CXorf66: variants seen among roughly 807,000 people sequenced by gnomAD.
The protein encoded by CXorf66 is uncharacterized protein CXorf66.
In CXorf66, 6 loss-of-function variants were observed where a neutral mutation model predicts 5.0. The observed-to-expected ratio is 1.20, with a 90% CI of 0.65 to 2.36. CXorf66 has a LOEUF of 2.36. Among genes scored for constraint, CXorf66 ranks in the 30% most tolerant of loss-of-function variants. The pLI is 0.00. For missense variants in CXorf66, 270 were observed against 254.9 expected, an observed-to-expected ratio of 1.06 and a Z score of -0.40; for synonymous variants, 98 against 102.8, an observed-to-expected ratio of 0.95 and a Z score of 0.28.
At position 139,956,492 on chromosome X, in the gene CXorf66, A is replaced by G. The variant is rs1569496177; in HGVS notation, c.490T>C (p.Ser164Pro). Reference sequence around the variant, plus strand: ...TTTTTTGAGCATGATGACTTGGATGACCTTTTTGGATATGATGGCCTAGTT... The same window carrying G: ...TTTTTTGAGCATGATGACTTGGATGGCCTTTTTGGATATGATGGCCTAGTT... ...KLTRPSYPKR[S>P]SKSSCSKKLS... is the part of the protein sequence containing the mutation. The change falls in exon 3 of 3, where the codon TCA (serine) becomes CCA (proline). Residue 164 changes from serine (S) to proline (P), a missense_variant. By Grantham distance (74) the Ser-to-Pro change is moderately conservative. Coordinates refer to ENST00000370540, the MANE Select transcript of CXorf66 (RefSeq NM_001013403.3). 38 of 1,211,552 alleles carry G rather than the reference A, an allele frequency of 3.1e-5. No individual in the cohort carries two copies. Among genetic ancestry groups the G allele is most frequent in the Non-Finnish European group, 4.1e-5 (37 of 895,490 alleles).
chrX:139,956,105 T>G lies in CXorf66; in HGVS notation c.877A>C (p.Asn293His). The G allele has an allele frequency of 8.3e-7, 1 of 1,211,450 alleles. No individual in the cohort carries two copies. Among genetic ancestry groups the G allele is most frequent in the Non-Finnish European group, 1.1e-6 (1 of 895,296 alleles). ...VNDISEAKEK[N>H]TQNLHVSSKV... ...CTTGAAACATGTAGGTTTTGAGTGT[T>G]TTTCTCCTTTGCCTCAGAAATATCA... The change falls in exon 3 of 3, where the codon AAC becomes CAC. Residue 293 changes from asparagine to histidine, a missense_variant. Transcript: ENST00000370540.
chrX:139,961,946 C>T (rs760937791), intron 1 of CXorf66, among the ~76,000 whole-genome samples: 2 of 111,827 alleles, frequency 1.8e-5, no homozygotes, highest in Non-Finnish European at 3.8e-5. Flanking sequence ...ATTTATAGCA[C>T]TAAATGCCCA....
intron 1 of CXorf66, among the ~76,000 whole-genome samples, chrX:139,965,103 C>G (rs1926660839): frequency 9.0e-6 from 1 of 111,292 alleles, no homozygotes; most frequent in African/African-American, 3.3e-5. Context: ...AAAATAAACC[C>G]CTACTGTATG....
rs1603422604 is a variant in CXorf66, at chrX:139,958,180, G to A, written c.126C>T (p.Asn42=). The change falls in exon 2 of 3, where the codon AAC becomes AAT. Residue 42 remains asparagine, a synonymous_variant. Coordinates refer to ENST00000370540, the MANE Select transcript of CXorf66 (RefSeq NM_001013403.3). ...AAATGAGTAGATTTCTTCTAAGGTAGTTCAATTTTGTCTGCATTGATTCAA... is the reference window on the plus strand; with the variant it reads ...AAATGAGTAGATTTCTTCTAAGGTAATTCAATTTTGTCTGCATTGATTCAA... ...KPVESMQTKL[N]YLRRNLLILV... is the part of the protein sequence containing the mutation. 1 of 1,192,115 alleles carries A rather than the reference G, an allele frequency of 8.4e-7. No individual in the cohort carries two copies. Among genetic ancestry groups the A allele is most frequent in the Non-Finnish European group, 1.1e-6 (1 of 884,662 alleles).
At chrX:139,957,903 T>A in intron 2 of CXorf66, among the ~76,000 whole-genome samples, 161 bp downstream of exon 2, 1 of 111,648 alleles carries the variant, frequency 9.0e-6, no homozygotes, top group Non-Finnish European at 1.9e-5. Flanking sequence ...AGAGAATATT[T>A]AAGAGCTGAT....
At chrX:139,957,346 AAGAG>A (rs1312096521) in intron 2 of CXorf66, among the ~76,000 whole-genome samples, 2 of 108,903 alleles carry the variant, frequency 1.8e-5, no homozygotes, top group African/African-American at 3.5e-5. Flanking sequence ...CTGCTGTAAA[AAGAG>A]AGAAACACAC....
intron 1 of CXorf66, among the ~76,000 whole-genome samples, chrX:139,961,207 A>G (rs1175935786): frequency 8.9e-6 from 1 of 111,902 alleles, no homozygotes; most frequent in Non-Finnish European, 1.9e-5. Flanking sequence ...AAAGACACAC[A>G]TAGGCTCAAA....
chrX:139,960,446 C>T (rs1248429740), intron 1 of CXorf66, among the ~76,000 whole-genome samples: 2 of 110,563 alleles, frequency 1.8e-5, no homozygotes, highest in Non-Finnish European at 3.8e-5. Flanking sequence ...ACCAAACCTA[C>T]GATTGATTGG....
chrX:139,962,394 A>G (rs1325220528), intron 1 of CXorf66, among the ~76,000 whole-genome samples: 1 of 111,794 alleles, frequency 8.9e-6, no homozygotes, highest in Non-Finnish European at 1.9e-5. Context: ...GTCTGTGAAT[A>G]GACCAATAAC....
intron 2 of CXorf66, 123 bp downstream of exon 2, chrX:139,957,941 A>G (rs1401629018): frequency 4.8e-6 from 3 of 624,311 alleles, no homozygotes; most frequent in South Asian, 5.4e-5. Context: ...ATTCACCTAC[A>G]AAAGGTTGGT....
rs746874525 is a variant in CXorf66, at chrX:139,956,261, T to C, written c.721A>G (p.Lys241Glu). Reference sequence around the variant, plus strand: ...ACTGACCTTTTTGGATTAAAATGTTTGGGAGGCTTAGCCAATTCCTGTGGA... The same window carrying C: ...ACTGACCTTTTTGGATTAAAATGTTCGGGAGGCTTAGCCAATTCCTGTGGA... ...FGPQELAKPP[K>E]HFNPKRSVSL... Residue 241 changes from lysine to glutamate, a missense_variant, in exon 3 of 3, where the codon AAA (lysine) becomes GAA (glutamate). Physicochemically the swap from Lys to Glu is moderately conservative, Grantham distance 56. Transcript: ENST00000370540. 3 of 1,210,266 alleles carry C rather than the reference T, an allele frequency of 2.5e-6. No homozygotes were observed. The East Asian group carries it at 8.9e-5, about 36-fold the overall frequency.
Position 139,956,134 on chromosome X carries a change from A to G in CXorf66, c.848T>C (p.Val283Ala), listed in dbSNP as rs1034039662. Residue 283 changes from valine to alanine, a missense_variant, in exon 3 of 3, where the codon GTC becomes GCC. Val to Ala is a moderately conservative substitution (Grantham distance 64, BLOSUM62 0). Transcript: ENST00000370540. ...HLVAKTYRPL[V>A]NDISEAKEKN... ...CTCCTTTGCCTCAGAAATATCATTGACCAAAGGCCTATAAGTTTTGGCAAC... is the reference window on the plus strand; with the variant it reads ...CTCCTTTGCCTCAGAAATATCATTGGCCAAAGGCCTATAAGTTTTGGCAAC... 5 of 1,211,807 alleles carry G rather than the reference A, an allele frequency of 4.1e-6. No individual in the cohort carries two copies. The highest frequency in any genetic ancestry group is 2.3e-4 in the Middle Eastern group (1 of 4,354).
rs945331779 is a variant in CXorf66 at position 139,956,699 on chromosome X, A to C, written c.283T>G (p.Ser95Ala). ...GAGGCTGTCTTGGCTTCACTGAATG[A>C]TGTTTTAGATGACTTGGCTGCTATG... is the stretch of plus-strand genomic sequence containing the variant. Reference protein sequence around the residue: ...KGIAAKSSKTSFSEAKTASQC... With the variant: ...KGIAAKSSKTAFSEAKTASQC... The change falls in exon 3 of 3, where the codon TCA becomes GCA. Residue 95 changes from serine (S) to alanine (A), a missense_variant. Coordinates refer to ENST00000370540, the MANE Select transcript of CXorf66 (RefSeq NM_001013403.3). 1 of 1,206,646 alleles carries C rather than the reference A, an allele frequency of 8.3e-7. No individual in the cohort carries two copies. Among genetic ancestry groups the C allele is most frequent in the Non-Finnish European group, 1.1e-6 (1 of 892,883 alleles).
chrX:139,965,436 T>C lies in CXorf66; in HGVS notation c.61A>G (p.Asn21Asp), dbSNP rs755182392. The change falls in exon 1 of 3, where the codon AAC becomes GAC. Residue 21 changes from asparagine (N) to aspartate (D), a missense_variant. Physicochemically the swap from Asn to Asp is conservative, Grantham distance 23. Coordinates refer to ENST00000370540, the MANE Select transcript of CXorf66 (RefSeq NM_001013403.3). ...SIWKNNCMTT[N>D]QTNGSSTTGD... ...GTAGTAGAAGATCCATTGGTTTGGT[T>C]TGTAGTCATGCAATTATTTTTCCAA... 1.4e-5 allele frequency: 17 copies of C among 1,205,996 alleles called. No homozygotes were observed. Among genetic ancestry groups the C allele is most frequent in the African/African-American group, 1.8e-5 (1 of 57,011 alleles).
intron 1 of CXorf66, among the ~76,000 whole-genome samples, chrX:139,962,465 C>A (rs1019861784): frequency 9.0e-5 from 10 of 111,222 alleles, no homozygotes; most frequent in African/African-American, 3.3e-4. Context: ...CAGGACCAGA[C>A]AATTCACAGC....
Position 139,956,180 on chromosome X carries a change from G to T in CXorf66, c.802C>A (p.Pro268Thr). Residue 268 changes from proline (P) to threonine (T), a missense_variant, in exon 3 of 3, where the codon CCC (proline) becomes ACC (threonine). Transcript: ENST00000370540. The part of the protein sequence containing the change: ...SNSELAETCQ[P>T]YKKKHLVAKT... ...GCAACAAGATGTTTTTTCTTGTAGGGTTGACAAGTTTCAGCTAATTCAGAG... is the reference window on the plus strand; with the variant it reads ...GCAACAAGATGTTTTTTCTTGTAGGTTTGACAAGTTTCAGCTAATTCAGAG... 8.3e-7 allele frequency: 1 copy of T among 1,211,265 alleles called. No individual in the cohort carries two copies. The highest frequency in any genetic ancestry group is 1.1e-6 in the Non-Finnish European group (1 of 895,105).
At chrX:139,962,824 C>T (rs2085598157) in intron 1 of CXorf66, among the ~76,000 whole-genome samples, 1 of 111,986 alleles carries the variant, frequency 8.9e-6, no homozygotes, top group African/African-American at 3.2e-5. Flanking sequence ...ACAAAAGCCA[C>T]ATGATTATCT....
In CXorf66 at chrX:139,956,233, C is replaced by G. The variant is rs774271224; in HGVS notation, c.749G>C (p.Ser250Thr). Reference protein sequence around the residue: ...PKHFNPKRSVSLGRAALLSNS... With the variant: ...PKHFNPKRSVTLGRAALLSNS... ...GGATAATAAGGCTGCCCTGCCTAGA[C>G]TCACTGACCTTTTTGGATTAAAATG... is the stretch of plus-strand genomic sequence containing the variant. Residue 250 changes from serine to threonine, a missense_variant, in exon 3 of 3, where the codon AGT (serine) becomes ACT (threonine). Ser to Thr is a moderately conservative substitution (Grantham distance 58). Coordinates refer to ENST00000370540, the MANE Select transcript of CXorf66 (RefSeq NM_001013403.3). 8.3e-7 allele frequency: 1 copy of G among 1,210,067 alleles called. No individual in the cohort carries two copies. Among genetic ancestry groups the G allele is most frequent in the African/African-American group, 1.7e-5 (1 of 57,172 alleles).
intron 1 of CXorf66, among the ~76,000 whole-genome samples, chrX:139,962,512 A>G (rs762944380): frequency 8.9e-6 from 1 of 111,809 alleles, no homozygotes; most frequent in Non-Finnish European, 1.9e-5. Flanking sequence ...AGCTGGTACC[A>G]TTCCTTCTGA....
Sources: allele counts gnomAD v4.1 joint callset (sites outside exome capture counted in the v4.1 genomes callset), GRCh38; gene constraint gnomAD v4.1.1; transcripts MANE v1.5; gene names NCBI Gene and HGNC (gene_info 2026-07-23, HGNC 2026-07-21).